Variants in UBE3B observed in about 807,000 individuals in gnomAD.
The protein encoded by UBE3B is ubiquitin-protein ligase E3B.
In UBE3B, 80 loss-of-function variants were observed where a neutral mutation model predicts 132.3. The ratio of observed to expected loss-of-function variants is 0.60; its 90% confidence interval spans 0.50 to 0.73. The LOEUF is 0.73. Among genes scored for constraint, UBE3B ranks in the 30% least tolerant of loss-of-function variants. UBE3B has a pLI of 0.00. For missense variants in UBE3B, 1,196 were observed against 1,362.5 expected (o/e 0.88, Z 1.92); for synonymous variants, 487 against 520.4 (o/e 0.94, Z 0.87).
At chr12:109,499,526 C>G in intron 11 of UBE3B, 107 bp from the exon 12 acceptor site, 3 of 1,166,094 alleles carry the variant, frequency 2.6e-6, no homozygotes, top group Non-Finnish European at 2.3e-6. Flanking sequence ...GTGGAAATTT[C>G]TTGCTGCACA....
intron 15 of UBE3B, 76 bp downstream of exon 15, chr12:109,507,811 A>G: frequency 6.7e-7 from 1 of 1,496,106 alleles, no homozygotes; most frequent in South Asian, 1.3e-5. Context: ...GTAAGGAAGT[A>G]ATTGCTAATG....
chr12:109,508,689 T>C (rs1289718575), intron 15 of UBE3B: 4 of 985,496 alleles, frequency 4.1e-6, no homozygotes, highest in Non-Finnish European at 1.2e-6. Flanking sequence ...GTCTAGCTGC[T>C]GGTGAAGACA....
intron 8 of UBE3B, chr12:109,490,805 T>C: frequency 8.0e-7 from 1 of 1,255,972 alleles, no homozygotes; most frequent in Non-Finnish European, 1.0e-6. Flanking sequence ...GCATACGGTT[T>C]TTTGTTTTTT....
At chr12:109,498,385 C>T in intron 11 of UBE3B, 32 bp downstream of exon 11, 1 of 1,603,670 alleles carries the variant, frequency 6.2e-7, no homozygotes, top group Non-Finnish European at 8.5e-7. Context: ...TTGATTGTGT[C>T]CTGGCCATCA....
intron 6 of UBE3B, among the ~76,000 whole-genome samples, chr12:109,487,890 C>G (rs1424768567): frequency 1.3e-5 from 2 of 152,160 alleles, no homozygotes; most frequent in Non-Finnish European, 2.9e-5. Context: ...AAGGTTGTCT[C>G]CAAGGTCCCT....
Position 109,521,636 on chromosome 12 carries a change from T to C in UBE3B, c.2364+85T>C. 7.7e-7 allele frequency: 1 copy of C among 1,297,456 alleles called. No homozygotes were observed. Among genetic ancestry groups the C allele is most frequent in the Non-Finnish European group, 1.0e-6 (1 of 953,434 alleles). 80.4% of individuals were successfully genotyped at this position (1,297,456 alleles called of 1,614,324 possible). ...TTCACATACACATATGTGATCAGGC[T>C]TGGCCATGTAAACTGTCACTAGGAT... On this transcript the variant is annotated intron_variant, in intron 21 of 27. Coordinates refer to ENST00000342494, the MANE Select transcript of UBE3B (RefSeq NM_130466.4). This position sits in a 1 kb window ranked among gnomAD's most constrained non-coding sequence, Gnocchi z 4.2.
chr12:109,534,722 C>T lies in UBE3B; in HGVS notation c.3147C>T (p.Ser1049=), dbSNP rs757937564. ...AGCTGCCCAACTACAGCAAGAAGAG[C>T]GTCCTCCGCGAGAAGCTGCGCTACG... ...LLKLPNYSKK[S]VLREKLRYAI... The change falls in exon 28 of 28, where the codon AGC becomes AGT. Residue 1049 remains serine (S), a synonymous_variant. Coordinates refer to ENST00000342494, the MANE Select transcript of UBE3B (RefSeq NM_130466.4). This position sits in a 1 kb window ranked among gnomAD's most constrained non-coding sequence, Gnocchi z 5.2. The T allele has an allele frequency of 4.4e-6, 7 of 1,604,508 alleles. No individual in the cohort carries two copies. Among genetic ancestry groups the T allele is most frequent in the Admixed American group, 3.4e-5 (2 of 58,706 alleles).
intron 8 of UBE3B, chr12:109,490,562 A>G: frequency 6.5e-7 from 1 of 1,536,094 alleles, no homozygotes. Context: ...GTCCGTTGGC[A>G]GAAGCTGGTA....
rs766274696 is a variant in UBE3B at position 109,483,642 on chromosome 12, C to T, written c.91C>T (p.Arg31Trp). The T allele has an allele frequency of 1.1e-5, 18 of 1,613,286 alleles. No homozygotes were observed. The highest frequency in any genetic ancestry group is 5.5e-5 in the South Asian group (5 of 90,906). The change falls in exon 3 of 28, where the codon CGG becomes TGG. Residue 31 changes from arginine (R) to tryptophan (W), a missense_variant. Coordinates refer to ENST00000342494, the MANE Select transcript of UBE3B (RefSeq NM_130466.4). ...AAGGCTTGTGCAGAAGGAACGGGAG[C>T]GGGCAGCTGTTGTGATCCAGGCCCA... ...EERLVQKERE[R>W]AAVVIQAHVR...
intron 19 of UBE3B, among the ~76,000 whole-genome samples, chr12:109,517,569 T>G (rs1167753308): frequency 6.6e-6 from 1 of 152,182 alleles, no homozygotes; most frequent in Non-Finnish European, 1.5e-5. Flanking sequence ...ACGATGTCTG[T>G]GTTATCCATG....
chr12:109,528,488 T>C lies in UBE3B; in HGVS notation c.2628-1402T>C, dbSNP rs531487499. On this transcript the variant is annotated intron_variant, in intron 24 of 27. Transcript: ENST00000342494. ...CTAAAGCTTTAGCATTGTAAAACAT[T>C]TATTTGGACTCTACTGATTTGGAAT... 2.8e-4 allele frequency: 275 copies of C among 985,338 alleles called. No homozygotes were observed. The African/African-American group carries it at 4.6e-3, about 17-fold the overall frequency. 61.0% of individuals were successfully genotyped at this position (985,338 alleles called of 1,614,324 possible).
chr12:109,527,269 A>G (rs1413101648), intron 24 of UBE3B, among the ~76,000 whole-genome samples: 2 of 152,198 alleles, frequency 1.3e-5, no homozygotes, highest in African/African-American at 4.8e-5. Context: ...TTTGGTCCCT[A>G]GAAGCAAAAC....
downstream of UBE3B, among the ~76,000 whole-genome samples, chr12:109,540,139 G>C (rs151175581): frequency 6.6e-6 from 1 of 152,234 alleles, no homozygotes; most frequent in African/African-American, 2.4e-5. Flanking sequence ...CTGCTCCTTG[G>C]CTGCCCCAGG....
chr12:109,498,086 G>T, intron 10 of UBE3B, 147 bp from the exon 11 acceptor site: 4 of 1,352,842 alleles, frequency 3.0e-6, no homozygotes, highest in South Asian at 1.4e-5. Flanking sequence ...GTAGCCCAAA[G>T]AAGTGGGTTC....
chr12:109,520,743 A>ATTTTTTTTTT (rs35964882), intron 19 of UBE3B: 1 of 148,534 alleles, frequency 6.7e-6, no homozygotes, highest in Non-Finnish European at 1.5e-5. Flanking sequence ...TGTAGGTTTG[A>ATTTTTTTTTT]TTTTTTTTTT....
At chr12:109,544,040 C>CT in the UBE3B span, among the ~76,000 whole-genome samples, 1 of 152,206 alleles carries the variant, frequency 6.6e-6, no homozygotes, top group Admixed American at 6.5e-5. Flanking sequence ...GAGCCTCAGA[C>CT]TGCAGGGTGT....
In UBE3B at chr12:109,534,301, T is replaced by C; in HGVS notation, c.3016-290T>C. The C allele has an allele frequency of 7.2e-7, 1 of 1,384,004 alleles. No homozygotes were observed. The highest frequency in any genetic ancestry group is 9.3e-7 in the Non-Finnish European group (1 of 1,069,978). 85.7% of individuals were successfully genotyped at this position (1,384,004 alleles called of 1,614,324 possible). On this transcript the variant is annotated intron_variant, in intron 27 of 27. Transcript: ENST00000342494. The surrounding 1 kb of genome is among the most constrained non-coding windows in gnomAD (Gnocchi z 5.2). The stretch of plus-strand genomic sequence containing the variant: ...AGTTTTTACAGCATTCTACTTTTTG[T>C]CAATTGGTTAACCAGTAATTCGCTG...
At chr12:109,526,704 C>T (rs2136104121) in intron 24 of UBE3B, among the ~76,000 whole-genome samples, 1 of 152,160 alleles carries the variant, frequency 6.6e-6, no homozygotes, top group Middle Eastern at 3.4e-3. Context: ...AACCCCGTCT[C>T]TACTGAAAAT....
At chr12:109,486,185 G>A (rs1055314271) in intron 5 of UBE3B, 114 bp downstream of exon 5, 2 of 1,133,454 alleles carry the variant, frequency 1.8e-6, no homozygotes, top group South Asian at 1.5e-5. Context: ...CAAATAAGTA[G>A]TGGATGGAAA....
Sources: allele counts gnomAD v4.1 joint callset (sites outside exome capture counted in the v4.1 genomes callset), GRCh38; gene constraint gnomAD v4.1.1; non-coding constraint Gnocchi (gnomAD v3.1); transcripts MANE v1.5; gene names NCBI Gene and HGNC (gene_info 2026-07-23, HGNC 2026-07-21).